ITGA2B: variants seen among roughly 807,000 people sequenced by gnomAD.
ITGA2B encodes the protein integrin alpha-IIb.
Under a neutral mutation model 142.0 loss-of-function variants are expected in ITGA2B, and 91 were observed. The observed-to-expected ratio is 0.64, with a 90% CI of 0.54 to 0.76. The LOEUF (loss-of-function observed/expected upper bound fraction) is 0.76. Among genes scored for constraint, ITGA2B ranks in the 30% least tolerant of loss-of-function variants. ITGA2B has a pLI of 0.00. For missense variants in ITGA2B, 1,231 were observed against 1,350.8 expected (o/e 0.91, Z 1.39); for synonymous variants, 536 against 567.2 (o/e 0.94, Z 0.78).
At chr17:44,377,609 G>A in intron 21 of ITGA2B, 89 bp downstream of exon 21, 1 of 956,914 alleles carries the variant, frequency 1.0e-6, no homozygotes, top group South Asian at 1.3e-5. Context: ...TTCTGGCCCA[G>A]AACTATGTGG....
At chr17:44,378,542 TG>T in intron 19 of ITGA2B, 33 bp from the exon 20 acceptor site, 1 of 1,612,204 alleles carries the variant, frequency 6.2e-7, no homozygotes, top group South Asian at 1.1e-5. Flanking sequence ...CCAGGGAGCC[TG>T]GGTCTGGGCC....
At chr17:44,386,167 C>A (rs1401366500) in intron 1 of ITGA2B, 36 bp from the exon 2 acceptor site, 2 of 1,555,674 alleles carry the variant, frequency 1.3e-6, no homozygotes, top group Non-Finnish European at 1.7e-6. Flanking sequence ...CGCGCAGATT[C>A]CAGCGTATCC....
intron 22 of ITGA2B, among the ~76,000 whole-genome samples, 195 bp from the exon 23 acceptor site, chr17:44,376,583 C>T (rs1185898411): frequency 6.6e-6 from 1 of 152,108 alleles, no homozygotes; most frequent in East Asian, 1.9e-4. Flanking sequence ...AGAAAGGGAA[C>T]CAGGCTTCTT....
chr17:44,383,759 G>A, intron 11 of ITGA2B, 55 bp from the exon 12 acceptor site: 1 of 1,550,840 alleles, frequency 6.4e-7, no homozygotes, highest in Non-Finnish European at 8.7e-7. Flanking sequence ...ATTGGGGCTA[G>A]GGCCAAATCT....
At chr17:44,385,360 CA>C in intron 4 of ITGA2B, 25 bp from the exon 5 acceptor site, 1 of 1,604,522 alleles carries the variant, frequency 6.2e-7, no homozygotes, top group Non-Finnish European at 8.5e-7. Context: ...GAGGAGGGGT[CA>C]GCGCAGGGGT....
At chr17:44,374,090 G>C (rs557373049) in intron 29 of ITGA2B, 1 of 436,912 alleles carries the variant, frequency 2.3e-6, no homozygotes, top group Non-Finnish European at 4.3e-6. Context: ...ATTTTTAGTA[G>C]AGATGGGGTT....
At position 44,372,451 on chromosome 17, in the gene ITGA2B, G is replaced by C. The variant is rs933083426; in HGVS notation, c.3061-28C>G. On this transcript the variant is annotated intron_variant, in intron 29 of 29. Coordinates refer to ENST00000262407, the MANE Select transcript of ITGA2B (RefSeq NM_000419.5). Reference sequence around the variant, plus strand: ...GGGGGTACACGGGGGCCAAGGTCAGGGTATACAGATGATTTGCTGGCCCCA... The same window carrying C: ...GGGGGTACACGGGGGCCAAGGTCAGCGTATACAGATGATTTGCTGGCCCCA... The C allele has an allele frequency of 5.6e-6, 9 of 1,609,516 alleles. No homozygotes were observed. The Admixed American group carries it at 1.3e-4, about 24-fold the overall frequency.
chr17:44,375,214 A>G, intron 26 of ITGA2B, 103 bp from the exon 27 acceptor site: 1 of 972,754 alleles, frequency 1.0e-6, no homozygotes, highest in Non-Finnish European at 1.6e-6. Flanking sequence ...CCGGGGGTTC[A>G]GGAAGCGGTG....
At chr17:44,383,827 G>A in intron 11 of ITGA2B, 67 bp downstream of exon 11, 2 of 1,594,208 alleles carry the variant, frequency 1.3e-6, no homozygotes, top group Non-Finnish European at 1.7e-6. Flanking sequence ...GCTAGGAAAG[G>A]GAGACAGAGG....
chr17:44,377,675 G>A (rs2048556977), intron 21 of ITGA2B, 23 bp downstream of exon 21: 4 of 1,591,732 alleles, frequency 2.5e-6, no homozygotes, highest in Non-Finnish European at 3.4e-6. Flanking sequence ...TGGAGACCCG[G>A]TACCACGACC....
In ITGA2B at chr17:44,380,958, C is replaced by G; in HGVS notation, c.1314G>C (p.Leu438=). Residue 438 remains leucine, a synonymous_variant, in exon 13 of 30, where the codon CTG becomes CTC. Transcript: ENST00000262407. ...CAGAGCCTGTGGGGAAGGGGCTGTC[C>G]AGGACCTGGGAGGGACGTGACCTCA... ...EGLRSRPSQV[L]DSPFPTGSAF... 6.2e-7 allele frequency: 1 copy of G among 1,614,174 alleles called. No homozygotes were observed. The highest frequency in any genetic ancestry group is 8.5e-7 in the Non-Finnish European group (1 of 1,179,992).
Position 44,384,236 on chromosome 17 carries a change from G to C in ITGA2B, c.891+75C>G, listed in dbSNP as rs561217251. ...GGTTTGGTGGAGGCGGGGCGGGGGTGGGGGGCGCTCAGGAGTTGTCAGCCT... is the reference window on the plus strand; with the variant it reads ...GGTTTGGTGGAGGCGGGGCGGGGGTCGGGGGCGCTCAGGAGTTGTCAGCCT... On this transcript the variant is annotated intron_variant, in intron 9 of 29. Transcript: ENST00000262407. The C allele has an allele frequency of 2.0e-5, 32 of 1,564,658 alleles. No individual in the cohort carries two copies. The African/African-American group carries it at 3.6e-4, about 18-fold the overall frequency.
In ITGA2B at chr17:44,377,219, G is replaced by A. The variant is rs997608925; in HGVS notation, c.2188-131C>T. ...TTTTCTTTTTTTTTTTTTCCGAGAC[G>A]GAGTCTCACTCTGTCACCCAGGCTG... On this transcript the variant is annotated intron_variant, in intron 21 of 29. Transcript: ENST00000262407. 450 of 740,282 alleles carry A rather than the reference G, an allele frequency of 6.1e-4. 2 individuals are homozygous for A. Among genetic ancestry groups the A allele is most frequent in the Non-Finnish European group, 6.7e-4 (290 of 430,084 alleles). The allele number at this position is 740,282 out of a possible 1,614,324, so 45.9% of individuals were successfully genotyped here. A position where few individuals can be genotyped will look rare whatever the true frequency, so the allele number is the denominator to read the frequency against.
At position 44,389,451 on chromosome 17, in the gene ITGA2B, A is replaced by G. The variant is rs1415511148; in HGVS notation, c.23T>C (p.Leu8Pro). The stretch of plus-strand genomic sequence containing the variant: ...CCACTCCAGAAGCCAGAGGGCTTGC[A>G]GTGGACACAAAGCTCTGGCCATCTT... MARALCP[L>P]QALWLLEWVL... Residue 8 changes from leucine (L) to proline (P), a missense_variant, in exon 1 of 30, where the codon CTG becomes CCG. Physicochemically the swap from Leu to Pro is moderately conservative, Grantham distance 98. Transcript: ENST00000262407. 1 of 1,613,730 alleles carries G rather than the reference A, an allele frequency of 6.2e-7. No individual in the cohort carries two copies. The highest frequency in any genetic ancestry group is 1.3e-5 in the African/African-American group (1 of 74,944).
At position 44,376,191 on chromosome 17, in the gene ITGA2B, G is replaced by A. The variant is rs765905767; in HGVS notation, c.2349-7C>T. 5.0e-6 allele frequency: 8 copies of A among 1,614,044 alleles called. No individual in the cohort carries two copies. The highest frequency in any genetic ancestry group is 1.3e-5 in the African/African-American group (1 of 74,914). Reference sequence around the variant, plus strand: ...GGAGGCTGGAAAGGAGTTCCTGCAGGTGCCCAAGACCCCCAGAGAGAGTGT... The same window carrying A: ...GGAGGCTGGAAAGGAGTTCCTGCAGATGCCCAAGACCCCCAGAGAGAGTGT... On this transcript the variant is annotated splice_polypyrimidine_tract_variant and splice_region_variant and intron_variant, in intron 23 of 29. Coordinates refer to ENST00000262407, the MANE Select transcript of ITGA2B (RefSeq NM_000419.5).
At chr17:44,383,279 C>G (rs1032933464) in intron 12 of ITGA2B, among the ~76,000 whole-genome samples, 6 of 152,176 alleles carry the variant, frequency 3.9e-5, no homozygotes, top group Non-Finnish European at 8.8e-5. Context: ...AATCCACATC[C>G]AGGTGGTCAT....
rs1245234436 is a variant in ITGA2B, at chr17:44,383,641, G to A, written c.1062C>T (p.Ala354=). The change falls in exon 12 of 30, where the codon GCC becomes GCT. Residue 354 remains alanine, a synonymous_variant. Transcript: ENST00000262407. ...YMESRADRKL[A]EVGRVYLFLQ... ...GGAACAAATACACACGCCCCACTTC[G>A]GCCAGTTTTCGGTCTGCCCGGCTCT... The A allele has an allele frequency of 1.2e-6, 2 of 1,601,978 alleles. No homozygotes were observed. Among genetic ancestry groups the A allele is most frequent in the South Asian group, 1.1e-5 (1 of 88,916 alleles).
chr17:44,374,455 G>A lies in ITGA2B; in HGVS notation c.2959C>T (p.Leu987Phe). The change falls in exon 29 of 30, where the codon CTC becomes TTC. Residue 987 changes from leucine to phenylalanine, a missense_variant. Coordinates refer to ENST00000262407, the MANE Select transcript of ITGA2B (RefSeq NM_000419.5). ...RGEAQVWTQL[L>F]RALEERAIPI... ...ATGGCCCTCTCCTCCAAGGCCCGGA[G>A]CAGCTGTGTCCACACCTGGGGGCAA... is the stretch of plus-strand genomic sequence containing the variant. The A allele has an allele frequency of 6.2e-7, 1 of 1,614,114 alleles. No homozygotes were observed. Among genetic ancestry groups the A allele is most frequent in the Non-Finnish European group, 8.5e-7 (1 of 1,180,020 alleles).
chr17:44,377,158 C>T, intron 21 of ITGA2B, 70 bp from the exon 22 acceptor site: 4 of 1,144,828 alleles, frequency 3.5e-6, no homozygotes, highest in Non-Finnish European at 5.1e-6. Context: ...CTGAATGTGG[C>T]CTCCAGTCTT....
Sources: allele counts gnomAD v4.1 joint callset (sites outside exome capture counted in the v4.1 genomes callset), GRCh38; gene constraint gnomAD v4.1.1; transcripts MANE v1.5; gene names NCBI Gene and HGNC (gene_info 2026-07-23, HGNC 2026-07-21).